The following DLG2 variants were observed in gnomAD, a reference collection of about 807,000 sequenced individuals.
The protein encoded by DLG2 is disks large homolog 2.
In DLG2, 45 loss-of-function variants were observed where a neutral mutation model predicts 132.5. The observed-to-expected ratio is 0.34, with a 90% confidence interval of 0.27 to 0.44. The LOEUF (loss-of-function observed/expected upper bound fraction) is 0.44. DLG2 is among the 20% of genes least tolerant of loss of function. The pLI is 1.00. For missense variants in DLG2, 1,045 were observed against 1,196.9 expected, an observed-to-expected ratio of 0.87 and a Z score of 1.87; for synonymous variants, 424 against 419.6, an observed-to-expected ratio of 1.01 and a Z score of -0.13.
chr11:83,901,298 T>G (rs1301812324), intron 15 of DLG2, among the ~76,000 whole-genome samples: 1 of 152,122 alleles, frequency 6.6e-6, no homozygotes, highest in East Asian at 1.9e-4. Flanking sequence ...AAGGCATGAT[T>G]GGTTTTGAGA....
At chr11:84,808,678 C>A (rs1321545815) in intron 6 of DLG2, among the ~76,000 whole-genome samples, 2 of 151,902 alleles carry the variant, frequency 1.3e-5, no homozygotes, top group Non-Finnish European at 2.9e-5. Context: ...ACAAACAGTT[C>A]TATACACATA....
chr11:83,696,425 G>A (rs2081957323), intron 18 of DLG2, among the ~76,000 whole-genome samples: 3 of 152,056 alleles, frequency 2.0e-5, no homozygotes, highest in Admixed American at 2.0e-4. Context: ...TATGTACTTG[G>A]TTATTATTAT....
chr11:83,661,151 T>C (rs1402449111), intron 18 of DLG2, among the ~76,000 whole-genome samples: 1 of 152,076 alleles, frequency 6.6e-6, no homozygotes, highest in African/African-American at 2.4e-5. Context: ...CCTTGTGCTG[T>C]GGGGGATGTG....
intron 3 of DLG2, among the ~76,000 whole-genome samples, chr11:85,524,588 G>A (rs915419431): frequency 6.6e-6 from 1 of 152,084 alleles, no homozygotes; most frequent in Non-Finnish European, 1.5e-5. Flanking sequence ...CACTTCCTGG[G>A]ATCAAGCAAT....
intron 4 of DLG2, among the ~76,000 whole-genome samples, chr11:85,190,453 G>GA (rs562602286): frequency 0.021 from 2,985 of 138,978 alleles, 54 homozygotes; most frequent in Admixed American, 0.041. Flanking sequence ...CTAAAGGAGC[G>GA]AAAAAAAAAC....
intron 8 of DLG2, among the ~76,000 whole-genome samples, chr11:84,173,960 C>G (rs57208469): frequency 2.0e-5 from 3 of 146,668 alleles, no homozygotes; most frequent in African/African-American, 7.7e-5. Flanking sequence ...ATTTGCCAAG[C>G]TCTGTCCTTT....
chr11:84,507,720 T>C (rs919589334), intron 7 of DLG2, among the ~76,000 whole-genome samples: 1 of 152,332 alleles, frequency 6.6e-6, no homozygotes, highest in Admixed American at 6.5e-5. Flanking sequence ...TCTATGTCTA[T>C]TGAGATGATC....
At chr11:83,915,742 C>T (rs1408155734) in intron 15 of DLG2, among the ~76,000 whole-genome samples, 4 of 152,020 alleles carry the variant, frequency 2.6e-5, no homozygotes, top group African/African-American at 9.7e-5. Context: ...ATATAATTTA[C>T]CTACAGTAAA....
At chr11:84,483,566 C>T (rs1056649628) in intron 7 of DLG2, among the ~76,000 whole-genome samples, 1 of 151,910 alleles carries the variant, frequency 6.6e-6, no homozygotes, top group East Asian at 1.9e-4. Flanking sequence ...GCATAAAAAA[C>T]CACACATTAA....
intron 18 of DLG2, among the ~76,000 whole-genome samples, chr11:83,702,801 T>TA (rs1370984445): frequency 6.6e-6 from 1 of 152,168 alleles, no homozygotes; most frequent in Non-Finnish European, 1.5e-5. Flanking sequence ...TCAAGTTACT[T>TA]AAGGTCTCTA....
chr11:85,457,838 C>T (rs557026267), intron 3 of DLG2, among the ~76,000 whole-genome samples: 1 of 152,236 alleles, frequency 6.6e-6, no homozygotes, highest in South Asian at 2.1e-4. Flanking sequence ...TCTAGATGAA[C>T]GTCCCTTCTC....
At chr11:84,744,898 TAAAAAAAAA>T (rs758776805) in intron 6 of DLG2, among the ~76,000 whole-genome samples, 1 of 71,812 alleles carries the variant, frequency 1.4e-5, no homozygotes, top group Non-Finnish European at 2.9e-5. Flanking sequence ...AGTAAAGGTC[TAAAAAAAAA>T]AAAAAAAAAA....
chr11:84,030,196 T>A (rs1332453794), intron 11 of DLG2, among the ~76,000 whole-genome samples: 5 of 152,146 alleles, frequency 3.3e-5, no homozygotes, highest in Non-Finnish European at 2.9e-5. Context: ...CCAATTTTCC[T>A]CAATTATCAA....
At chr11:84,687,120 T>G (rs535990427) in intron 6 of DLG2, 1 of 152,278 alleles carries the variant, frequency 6.6e-6, no homozygotes, top group South Asian at 2.1e-4. Context: ...TCTGTTTTCC[T>G]AGTTGGACCC....
intron 6 of DLG2, among the ~76,000 whole-genome samples, chr11:84,574,195 G>A (rs534280363): frequency 2.8e-4 from 42 of 152,178 alleles, no homozygotes; most frequent in African/African-American, 1.0e-3. Flanking sequence ...TCACGAAAAG[G>A]CAGATATCAT....
chr11:85,544,055 A>T (rs1055804999), intron 3 of DLG2, among the ~76,000 whole-genome samples: 2 of 152,062 alleles, frequency 1.3e-5, no homozygotes, highest in African/African-American at 4.8e-5. Flanking sequence ...TAGTCTTGGA[A>T]GTCTTTGCCC....
chr11:84,934,617 A>G (rs2048526277), intron 6 of DLG2, among the ~76,000 whole-genome samples: 1 of 145,608 alleles, frequency 6.9e-6, no homozygotes, highest in African/African-American at 2.6e-5. Flanking sequence ...CTCAGGGAAT[A>G]TTATGAATAC....
At chr11:85,362,463 G>A (rs547542729) in intron 3 of DLG2, among the ~76,000 whole-genome samples, 1 of 152,066 alleles carries the variant, frequency 6.6e-6, no homozygotes, top group East Asian at 1.9e-4. Context: ...TGTTGATTTT[G>A]TATCCTGCAG....
At chr11:84,976,578 T>C (rs1048186479) in intron 6 of DLG2, among the ~76,000 whole-genome samples, 3 of 152,186 alleles carry the variant, frequency 2.0e-5, no homozygotes, top group Non-Finnish European at 4.4e-5. Context: ...ATGAGTGGTT[T>C]CCTCCAGCCA....
Sources: gnomAD v4.1 joint callset for allele counts (sites outside exome capture counted in the v4.1 genomes callset) on GRCh38, gnomAD v4.1.1 for gene constraint, MANE v1.5 for transcripts, NCBI Gene and HGNC (gene_info 2026-07-23, HGNC 2026-07-21) for gene names.